Variants in SORCS3 observed in about 807,000 individuals in gnomAD.
SORCS3 encodes the protein sortilin related VPS10 domain containing receptor 3, also known as VPS10 domain-containing receptor SorCS3.
Under a neutral mutation model 146.3 loss-of-function variants are expected in SORCS3, and 57 were observed. The ratio of observed to expected loss-of-function variants is 0.39; its 90% CI spans 0.31 to 0.49. The LOEUF (loss-of-function observed/expected upper bound fraction) is 0.49, where lower values mean the gene tolerates loss of function less well. Ranked by LOEUF, SORCS3 falls within the 20% of genes least tolerant of loss-of-function variation. SORCS3 has a pLI of 0.92. For missense variants in SORCS3, 1,341 were observed against 1,575.5 expected (o/e 0.85, Z 2.52); for synonymous variants, 653 against 618.5 (o/e 1.06, Z -0.83).
intron 2 of SORCS3, among the ~76,000 whole-genome samples, chr10:104,867,159 A>C (rs1448433797): frequency 6.6e-6 from 1 of 150,456 alleles, no homozygotes; most frequent in African/African-American, 2.5e-5. Context: ...AAATGTGGCT[A>C]GTGCTGCAGG....
At chr10:104,672,421 T>C (rs1447646081) in intron 1 of SORCS3, among the ~76,000 whole-genome samples, 1 of 152,162 alleles carries the variant, frequency 6.6e-6, no homozygotes, top group Admixed American at 6.5e-5. Context: ...AATAACCAAC[T>C]TTTGGTTTCG....
chr10:104,932,856 T>C (rs1201889132), intron 3 of SORCS3, among the ~76,000 whole-genome samples: 1 of 152,136 alleles, frequency 6.6e-6, no homozygotes, highest in Non-Finnish European at 1.5e-5. Flanking sequence ...CACTCCCAGC[T>C]ATTCTTTTTA....
chr10:104,998,380 T>C (rs894177936), intron 4 of SORCS3, among the ~76,000 whole-genome samples: 15 of 152,138 alleles, frequency 9.9e-5, no homozygotes, highest in African/African-American at 3.4e-4. Flanking sequence ...GGAGAAATTA[T>C]ACAGATGTGC....
At chr10:104,729,169 A>G (rs962805502) in intron 1 of SORCS3, among the ~76,000 whole-genome samples, 1 of 152,254 alleles carries the variant, frequency 6.6e-6, no homozygotes, top group Non-Finnish European at 1.5e-5. Flanking sequence ...AGCAAATAGT[A>G]GTCACTAGGA....
intron 5 of SORCS3, among the ~76,000 whole-genome samples, chr10:105,051,321 A>C (rs2055411315): frequency 6.6e-6 from 1 of 152,134 alleles, no homozygotes; most frequent in African/African-American, 2.4e-5. Flanking sequence ...GATGAAGGGC[A>C]GAGAAGCAGG....
Position 104,724,675 on chromosome 10 carries a change from C to G in SORCS3, c.627+82721C>G, listed in dbSNP as rs544705562. Among the ~76,000 whole-genome samples the G allele has an allele frequency of 2.2e-4, 33 of 152,262 alleles. 1 individual carries two copies. The highest frequency in any genetic ancestry group is 7.9e-4 in the African/African-American group (33 of 41,534). On this transcript the variant is annotated intron_variant, in intron 1 of 26. Coordinates refer to ENST00000369701, the MANE Select transcript of SORCS3 (RefSeq NM_014978.3). ...TATTTCTTGGAGGCTTTGTTCATTT[C>G]TTTTTATTCTTTTTTCTCTAAACTT...
At chr10:105,001,012 AT>A (rs1445366078) in intron 4 of SORCS3, among the ~76,000 whole-genome samples, 2 of 152,166 alleles carry the variant, frequency 1.3e-5, no homozygotes, top group Non-Finnish European at 2.9e-5. Flanking sequence ...ATTATTTAAG[AT>A]TTTTGAATTA....
chr10:104,984,296 A>AT (rs2054949466), intron 4 of SORCS3, among the ~76,000 whole-genome samples: 1 of 152,196 alleles, frequency 6.6e-6, no homozygotes, highest in Non-Finnish European at 1.5e-5. Context: ...TCATAAGGAC[A>AT]ATTTGAAAAA....
At chr10:105,184,693 G>A (rs370982749) in intron 14 of SORCS3, among the ~76,000 whole-genome samples, 1 of 152,212 alleles carries the variant, frequency 6.6e-6, no homozygotes, top group South Asian at 2.1e-4. Context: ...CATATTTAAT[G>A]TATACATTTT....
At chr10:105,045,595 A>G (rs2055366707) in intron 5 of SORCS3, among the ~76,000 whole-genome samples, 1 of 152,072 alleles carries the variant, frequency 6.6e-6, no homozygotes, top group Non-Finnish European at 1.5e-5. Context: ...TTGAAGATAT[A>G]TGTTTTGTAT....
At chr10:105,192,340 G>A (rs759800747) in intron 14 of SORCS3, among the ~76,000 whole-genome samples, 18 of 152,142 alleles carry the variant, frequency 1.2e-4, no homozygotes, top group Non-Finnish European at 2.4e-4. Flanking sequence ...AAGGTGTGGG[G>A]TAAGCCATCC....
At chr10:104,678,420 G>T (rs375831566) in intron 1 of SORCS3, among the ~76,000 whole-genome samples, 2 of 152,208 alleles carry the variant, frequency 1.3e-5, no homozygotes, top group African/African-American at 4.8e-5. Context: ...TGAAACAGAA[G>T]TAAAGATTAA....
intron 4 of SORCS3, among the ~76,000 whole-genome samples, chr10:105,042,128 C>T (rs2055342286): frequency 6.6e-6 from 1 of 152,144 alleles, no homozygotes; most frequent in South Asian, 2.1e-4. Flanking sequence ...AGGCATGATC[C>T]CTGCCCCCTT....
chr10:104,776,402 T>A (rs750010363), intron 1 of SORCS3, among the ~76,000 whole-genome samples: 3 of 152,178 alleles, frequency 2.0e-5, no homozygotes, highest in African/African-American at 4.8e-5. Flanking sequence ...GCAAGGGTAG[T>A]CGGGGCTGGC....
At chr10:104,782,623 T>C (rs1242094733) in intron 1 of SORCS3, among the ~76,000 whole-genome samples, 1 of 152,202 alleles carries the variant, frequency 6.6e-6, no homozygotes, top group Non-Finnish European at 1.5e-5. Flanking sequence ...GTTGTAGAGT[T>C]AGAACACTCT....
chr10:104,709,909 T>A (rs76489120), intron 1 of SORCS3, among the ~76,000 whole-genome samples: 3 of 151,758 alleles, frequency 2.0e-5, no homozygotes, highest in Admixed American at 1.3e-4. Context: ...TTTTTTTTTT[T>A]AATTAAAAAA....
At chr10:105,071,886 G>C (rs2055558792) in intron 5 of SORCS3, among the ~76,000 whole-genome samples, 1 of 152,150 alleles carries the variant, frequency 6.6e-6, no homozygotes, top group African/African-American at 2.4e-5. Flanking sequence ...GAAAGACATA[G>C]AAATGAGATT....
rs1201952862 is a variant in SORCS3, at chr10:104,737,762, A to G, written c.627+95808A>G. ...CTGATGGTAGTTTCTTTTGCTGTGCAGAAGCTCTTGAGTTTAATTAGATCC... is the reference window on the plus strand; with the variant it reads ...CTGATGGTAGTTTCTTTTGCTGTGCGGAAGCTCTTGAGTTTAATTAGATCC... On this transcript the variant is annotated intron_variant, in intron 1 of 26. Coordinates refer to ENST00000369701, the MANE Select transcript of SORCS3 (RefSeq NM_014978.3). Among the ~76,000 whole-genome samples, 22 of 151,692 alleles carry G rather than the reference A, an allele frequency of 1.5e-4. No homozygotes were observed. In the South Asian group the frequency reaches 4.0e-3, roughly 28 times the overall value.
At chr10:105,134,557 A>G (rs2056045333) in intron 7 of SORCS3, among the ~76,000 whole-genome samples, 2 of 65,986 alleles carry the variant, frequency 3.0e-5, no homozygotes, top group African/African-American at 6.3e-5. Context: ...ACAAAAAGGA[A>G]AAAAAAAAAA....
Sources: gnomAD v4.1 joint callset for allele counts (sites outside exome capture counted in the v4.1 genomes callset) on GRCh38, gnomAD v4.1.1 for gene constraint, MANE v1.5 for transcripts, NCBI Gene and HGNC (gene_info 2026-07-23, HGNC 2026-07-21) for gene names.